The following USP28 variants were observed in gnomAD, a reference collection of about 807,000 sequenced individuals.
USP28 encodes the protein ubiquitin carboxyl-terminal hydrolase 28.
Under a neutral mutation model 145.0 loss-of-function variants are expected in USP28, and 113 were observed. The observed-to-expected ratio is 0.78, with a 90% CI of 0.67 to 0.91. USP28 has a LOEUF of 0.91. Ranked by LOEUF, USP28 falls within the 40% of genes least tolerant of loss-of-function variation. USP28 has a pLI of 0.00. For synonymous variants in USP28, 447 were observed against 450.9 expected (o/e 0.99, Z 0.11); for missense variants, 1,201 against 1,289.6 (o/e 0.93, Z 1.05).
intron 18 of USP28, 42 bp from the exon 19 acceptor site, chr11:113,808,178 A>T (rs751416630): frequency 4.6e-6 from 7 of 1,526,144 alleles, no homozygotes; most frequent in Non-Finnish European, 3.5e-6. Context: ...AAAAAACAGG[A>T]GAAATAAATA....
intron 1 of USP28, among the ~76,000 whole-genome samples, chr11:113,862,085 G>T (rs185188707): frequency 6.6e-6 from 1 of 152,284 alleles, no homozygotes; most frequent in African/African-American, 2.4e-5. Context: ...GGTGGCTCAC[G>T]CCTGTAATCC....
chr11:113,804,125 A>G (rs949349140), intron 21 of USP28, among the ~76,000 whole-genome samples: 1 of 152,148 alleles, frequency 6.6e-6, no homozygotes, highest in African/African-American at 2.4e-5. Flanking sequence ...CGAGCTTCGG[A>G]TTTTATCCTA....
In USP28 at chr11:113,846,813, G is replaced by T. The variant is rs1262703981; in HGVS notation, c.269-5045C>A. Among the ~76,000 whole-genome samples the T allele has an allele frequency of 3.3e-5, 5 of 152,212 alleles. No individual in the cohort carries two copies. In the East Asian group the frequency reaches 9.7e-4, roughly 29 times the overall value. On this transcript the variant is annotated intron_variant, in intron 3 of 24. Transcript: ENST00000003302. ...TGAGACCGGCCTGGCCAACCAATAT[G>T]GTGAAACCCAGTCTCTACCAAAAAC...
chr11:113,807,680 C>A (rs1028707323), intron 18 of USP28, among the ~76,000 whole-genome samples: 1 of 152,042 alleles, frequency 6.6e-6, no homozygotes, highest in Non-Finnish European at 1.5e-5. Context: ...AAAAAGGGAA[C>A]TTAATTTTAC....
In USP28 at chr11:113,827,221, C is replaced by A; in HGVS notation, c.1187+12G>T. On this transcript the variant is annotated intron_variant, in intron 11 of 24. Transcript: ENST00000003302. The stretch of plus-strand genomic sequence containing the variant: ...ATACCTCAGGAAAAAAAAAAATCAG[C>A]CAAGAACTCACCTGTCCATATAAAT... The A allele has an allele frequency of 6.3e-7, 1 of 1,592,580 alleles. No homozygotes were observed. The highest frequency in any genetic ancestry group is 1.4e-5 in the African/African-American group (1 of 73,476).
intron 24 of USP28, among the ~76,000 whole-genome samples, chr11:113,800,354 G>A (rs1469806361): frequency 6.6e-6 from 1 of 152,010 alleles, no homozygotes; most frequent in Admixed American, 6.6e-5. Context: ...CCAAGCTGGA[G>A]TGCAGTGGTA....
chr11:113,808,877 G>A (rs1940491764), intron 17 of USP28, among the ~76,000 whole-genome samples, 186 bp downstream of exon 17: 1 of 152,200 alleles, frequency 6.6e-6, no homozygotes, highest in African/African-American at 2.4e-5. Context: ...TACTGCTTCT[G>A]TTCATCAGAA....
intron 24 of USP28, 91 bp from the exon 26 acceptor site, chr11:113,799,506 C>T: frequency 7.2e-7 from 1 of 1,383,702 alleles, no homozygotes; most frequent in Non-Finnish European, 9.8e-7. Flanking sequence ...TACCTAACCT[C>T]AAAGGTCAAA....
chr11:113,857,406 C>G (rs1947180006), intron 1 of USP28, among the ~76,000 whole-genome samples: 1 of 152,198 alleles, frequency 6.6e-6, no homozygotes, highest in Non-Finnish European at 1.5e-5. Context: ...TTATACCCCG[C>G]CATTCTGCTT....
chr11:113,806,601 C>A lies in USP28; in HGVS notation c.2305-17G>T. On this transcript the variant is annotated splice_polypyrimidine_tract_variant and intron_variant, in intron 18 of 24. Transcript: ENST00000003302. ...CAGCATCACCTACCACAAGGGGGCA[C>A]AAAACACAGAGAGAAAGGAGAGAAG... The A allele has an allele frequency of 3.3e-6, 5 of 1,514,106 alleles. 1 individual carries two copies. Among genetic ancestry groups the A allele is most frequent in the South Asian group, 2.5e-5 (2 of 78,928 alleles). The allele number at this position is 1,514,106 out of a possible 1,614,324, so 93.8% of individuals were successfully genotyped here. A position where few individuals can be genotyped will look rare whatever the true frequency, so the allele number is the denominator to read the frequency against.
intron 23 of USP28, among the ~76,000 whole-genome samples, chr11:113,802,577 C>G (rs538623080): frequency 6.6e-6 from 1 of 152,314 alleles, no homozygotes; most frequent in South Asian, 2.1e-4. Context: ...GGATGTAGGT[C>G]TGCCTTTCCA....
intron 1 of USP28, among the ~76,000 whole-genome samples, chr11:113,864,705 G>C (rs191388933): frequency 3.9e-5 from 6 of 152,022 alleles, no homozygotes; most frequent in Non-Finnish European, 8.8e-5. Context: ...ACCCACATTA[G>C]GGAGTTCAAA....
intron 1 of USP28, among the ~76,000 whole-genome samples, chr11:113,859,629 TACAGTAAC>T: frequency 6.6e-6 from 1 of 152,002 alleles, no homozygotes; most frequent in South Asian, 2.1e-4. Context: ...ATATTAATTT[TACAGTAAC>T]ACTAAACCCA....
intron 13 of USP28, among the ~76,000 whole-genome samples, chr11:113,816,481 C>A (rs553815608): frequency 6.6e-6 from 1 of 152,108 alleles, no homozygotes; most frequent in Non-Finnish European, 1.5e-5. Flanking sequence ...CCACTGTACT[C>A]CAGCCTGGCG....
chr11:113,829,274 C>G, exon 10 of USP28: 1 of 1,614,140 alleles, frequency 6.2e-7, no homozygotes, highest in Non-Finnish European at 8.5e-7. Context: ...TCCAAACACT[C>G]GTCTAAGTTG....
At chr11:113,874,650 TAAGTTATA>T in intron 1 of USP28, 1 of 1,279,348 alleles carries the variant, frequency 7.8e-7, no homozygotes, top group South Asian at 1.2e-5. Context: ...GAGGTGGTGT[TAAGTTATA>T]ACATTCCGAA....
intron 1 of USP28, among the ~76,000 whole-genome samples, chr11:113,874,219 A>C (rs1377299171): frequency 6.6e-6 from 1 of 151,496 alleles, no homozygotes; most frequent in East Asian, 1.9e-4. Flanking sequence ...TGGAAGGCCG[A>C]GGCGGGCGAA....
In USP28 at chr11:113,823,626, ATT is replaced by A. The variant is rs747536324; in HGVS notation, c.1260_1261del (p.Lys420AsnfsTer30). The A allele has an allele frequency of 3.1e-6, 5 of 1,612,412 alleles. No homozygotes were observed. The highest frequency in any genetic ancestry group is 1.7e-5 in the Admixed American group (1 of 59,908). ...TCACCTTTCCAATTTTTGCTGCAGA[ATT>A]TTTATTTCCTCCTTCAACTTTCGAA... is the stretch of plus-strand genomic sequence containing the variant. On this transcript the variant is annotated frameshift_variant, in exon 12 of 25. Transcript: ENST00000003302. LOFTEE classifies it high-confidence loss of function.
At chr11:113,834,373 G>T in intron 5 of USP28, 38 bp from the exon 6 acceptor site, 1 of 1,388,194 alleles carries the variant, frequency 7.2e-7, no homozygotes. Flanking sequence ...AGCCTTTCCT[G>T]AAAATAACTG....
Sources: gnomAD v4.1 joint callset for allele counts (sites outside exome capture counted in the v4.1 genomes callset) on GRCh38, gnomAD v4.1.1 for gene constraint, MANE v1.5 for transcripts, NCBI Gene and HGNC (gene_info 2026-07-23, HGNC 2026-07-21) for gene names.